Variants in ADNP2 observed in about 807,000 individuals in gnomAD.
ADNP2 encodes ADNP homeobox 2.
ADNP2 carries 8 observed loss-of-function variants against 16.4 expected under a neutral mutation model. That is an observed-to-expected ratio of 0.49 (90% CI 0.29 to 0.88). The LOEUF is 0.88. Among genes scored for constraint, ADNP2 ranks in the 40% least tolerant of loss-of-function variants. The probability of loss-of-function intolerance (pLI) is 0.09; values close to 1 mark genes in which losing one functional copy is unlikely to be tolerated. For missense variants in ADNP2, 1,397 were observed against 1,395.1 expected (o/e 1.00, Z -0.02); for synonymous variants, 637 against 545.8 (o/e 1.17, Z -2.33).
At chr18:80,118,162 C>T (rs192665338) in intron 2 of ADNP2, among the ~76,000 whole-genome samples, 2 of 152,214 alleles carry the variant, frequency 1.3e-5, no homozygotes, top group East Asian at 1.9e-4. Context: ...TGGTGGCTCA[C>T]GCCTGTAATC....
intron 2 of ADNP2, among the ~76,000 whole-genome samples, chr18:80,125,906 G>A (rs1170067502): frequency 6.6e-6 from 1 of 152,186 alleles, no homozygotes; most frequent in Non-Finnish European, 1.5e-5. Flanking sequence ...CGGTGTGGCA[G>A]GATTGAGTAG....
intron 2 of ADNP2, among the ~76,000 whole-genome samples, chr18:80,129,497 G>A (rs2052482612): frequency 6.6e-6 from 1 of 152,164 alleles, no homozygotes; most frequent in Non-Finnish European, 1.5e-5. Flanking sequence ...TTCCCTGACT[G>A]TTGGCCAGAC....
chr18:80,118,525 A>G (rs946261425), intron 2 of ADNP2, among the ~76,000 whole-genome samples: 1 of 152,062 alleles, frequency 6.6e-6, no homozygotes, highest in Non-Finnish European at 1.5e-5. Context: ...CCCCTTCATT[A>G]ATAAATGTAG....
rs937188283 is a variant in ADNP2 at position 80,140,239 on chromosome 18, T to C, written c.*1430T>C. ...AGTTGTGAAACTGGTTTATGATTGT[T>C]GGTGTACTCTGTTGTAAATTCAAAG... On this transcript the variant is annotated 3_prime_UTR_variant, in exon 4 of 4. Transcript: ENST00000262198. 6.6e-6 allele frequency: 1 copy of C among 152,632 alleles called. No individual in the cohort carries two copies. The highest frequency in any genetic ancestry group is 1.9e-4 in the East Asian group (1 of 5,206). The allele number at this position is 152,632 out of a possible 1,614,324, so 9.5% of individuals were successfully genotyped here. A position where few individuals can be genotyped will look rare whatever the true frequency, so the allele number is the denominator to read the frequency against.
At chr18:80,125,049 G>C (rs887638048) in intron 2 of ADNP2, among the ~76,000 whole-genome samples, 5 of 152,182 alleles carry the variant, frequency 3.3e-5, no homozygotes, top group Non-Finnish European at 7.4e-5. Context: ...TACATGGCAT[G>C]TATTTTTCTA....
rs1167035526 is a variant in ADNP2, at chr18:80,133,716, G to C, written c.198+524G>C. 4 of 156,774 alleles carry C rather than the reference G, an allele frequency of 2.6e-5. No homozygotes were observed. The Admixed American group carries it at 2.6e-4, about 10-fold the overall frequency. 9.7% of individuals were successfully genotyped at this position (156,774 alleles called of 1,614,324 possible). A position where few individuals can be genotyped will look rare whatever the true frequency, so the allele number is the denominator to read the frequency against. ...GTTGTTAGCACCTTCCTCGGTATCA[G>C]ACTCAGCTCATCCCAGACTTGACTT... is the stretch of plus-strand genomic sequence containing the variant. On this transcript the variant is annotated intron_variant, in intron 3 of 3. Coordinates refer to ENST00000262198, the MANE Select transcript of ADNP2 (RefSeq NM_014913.4).
chr18:80,110,230 C>T (rs1450197253), intron 1 of ADNP2, among the ~76,000 whole-genome samples: 1 of 152,208 alleles, frequency 6.6e-6, no homozygotes, highest in Non-Finnish European at 1.5e-5. Context: ...AAAATTTCTA[C>T]TACAGTTGAC....
chr18:80,134,720 T>G (rs1369527069), intron 3 of ADNP2, among the ~76,000 whole-genome samples: 1 of 152,182 alleles, frequency 6.6e-6, no homozygotes, highest in African/African-American at 2.4e-5. Context: ...TTGTTAAATT[T>G]CCCAAAATGT....
chr18:80,138,286 A>G lies in ADNP2; in HGVS notation c.2873A>G (p.Asn958Ser), dbSNP rs780337718. 39 of 1,614,020 alleles carry G rather than the reference A, an allele frequency of 2.4e-5. No individual in the cohort carries two copies. In the South Asian group the frequency reaches 2.9e-4, roughly 12 times the overall value. ...CAGGCCCAGCCGGGTTTTATTCACA[A>G]CAGTGAACTGCTTTTAGTCAGTGGT... The part of the protein sequence containing the change: ...DLQAQPGFIH[N>S]SELLLVSGEV... The change falls in exon 4 of 4, where the codon AAC becomes AGC. Residue 958 changes from asparagine (N) to serine (S), a missense_variant. Asn to Ser is a conservative substitution (Grantham distance 46, BLOSUM62 1). This residue lies in a region of ADNP2 where 611 missense variants were observed against 648.7 expected (regional missense o/e 0.94). Transcript: ENST00000262198.
At position 80,123,220 on chromosome 18, in the gene ADNP2, T is replaced by G. The variant is rs571038042; in HGVS notation, c.108+5570T>G. Among the ~76,000 whole-genome samples, 3 of 152,282 alleles carry G rather than the reference T, an allele frequency of 2.0e-5. No homozygotes were observed. The East Asian group carries it at 5.8e-4, about 29-fold the overall frequency. On this transcript the variant is annotated intron_variant, in intron 2 of 3. Coordinates refer to ENST00000262198, the MANE Select transcript of ADNP2 (RefSeq NM_014913.4). Reference sequence around the variant, plus strand: ...TGTTTTAATACACTGTTGAATTTGGTTTGCTAGTATGTTGTTAAGGATTTT... The same window carrying G: ...TGTTTTAATACACTGTTGAATTTGGGTTGCTAGTATGTTGTTAAGGATTTT...
chr18:80,109,778 G>A (rs1357868412), intron 1 of ADNP2: 3 of 151,814 alleles, frequency 2.0e-5, no homozygotes, highest in South Asian at 2.1e-4. Context: ...GGGGACCTGA[G>A]GGGAGAGTAG....
chr18:80,119,184 C>CTTCT (rs1008563503), intron 2 of ADNP2, among the ~76,000 whole-genome samples: 9 of 152,078 alleles, frequency 5.9e-5, no homozygotes, highest in African/African-American at 2.2e-4. Flanking sequence ...ATAGTGAGAA[C>CTTCT]CTTTTTCCAT....
chr18:80,118,723 A>T (rs2052404950), intron 2 of ADNP2, among the ~76,000 whole-genome samples: 1 of 152,208 alleles, frequency 6.6e-6, no homozygotes, highest in African/African-American at 2.4e-5. Flanking sequence ...TTGCTCGTGA[A>T]CTTTTGCTTC....
chr18:80,135,422 C>G (rs1466627186), intron 3 of ADNP2, among the ~76,000 whole-genome samples, 190 bp from the exon 4 acceptor site: 2 of 152,002 alleles, frequency 1.3e-5, no homozygotes, highest in Non-Finnish European at 2.9e-5. Context: ...ACTGTATGGC[C>G]CACAGTCCTA....
chr18:80,132,985 T>G (rs2052507897), intron 2 of ADNP2, 118 bp from the exon 3 acceptor site: 2 of 747,478 alleles, frequency 2.7e-6, no homozygotes, highest in Non-Finnish European at 4.4e-6. Context: ...CCTCCCAAAG[T>G]GCTGGGATTA....
intron 1 of ADNP2, among the ~76,000 whole-genome samples, chr18:80,111,036 CA>C (rs2052353843): frequency 6.6e-6 from 1 of 152,144 alleles, no homozygotes; most frequent in Non-Finnish European, 1.5e-5. Context: ...TGATTGCCCT[CA>C]TAAGTTCACC....
intron 1 of ADNP2, among the ~76,000 whole-genome samples, chr18:80,116,382 C>A (rs1362386119): frequency 6.6e-6 from 1 of 152,112 alleles, no homozygotes; most frequent in African/African-American, 2.4e-5. Context: ...GTATGCTTTT[C>A]TCTTGAGTGG....
Position 80,138,386 on chromosome 18 carries a change from G to A in ADNP2, c.2973G>A (p.Arg991=), listed in dbSNP as rs1439653976. The A allele has an allele frequency of 6.2e-7, 1 of 1,614,092 alleles. No homozygotes were observed. The highest frequency in any genetic ancestry group is 2.2e-5 in the East Asian group (1 of 44,872). The change falls in exon 4 of 4, where the codon CGG becomes CGA. Residue 991 remains arginine, a synonymous_variant. Transcript: ENST00000262198. The part of the protein sequence containing the change: ...PDGHLGAEDQ[R]HGEEQPPILN... The stretch of plus-strand genomic sequence containing the variant: ...GCCACTTAGGGGCCGAAGACCAGCG[G>A]CATGGGGAGGAGCAGCCTCCCATCC...
Position 80,139,343 on chromosome 18 carries a change from A to G in ADNP2, c.*534A>G, listed in dbSNP as rs2052566026. 6.6e-6 allele frequency: 1 copy of G among 151,638 alleles called. No individual in the cohort carries two copies. The highest frequency in any genetic ancestry group is 2.1e-4 in the South Asian group (1 of 4,822). The allele number at this position is 151,638 out of a possible 1,614,324, so 9.4% of individuals were successfully genotyped here. On this transcript the variant is annotated 3_prime_UTR_variant, in exon 4 of 4. Transcript: ENST00000262198. ...TAACTTACGCTGACTTCTTTGTAAG[A>G]TCTTTGCTTATAGATTATAATTTAG...
Sources: gnomAD v4.1 joint callset for allele counts (sites outside exome capture counted in the v4.1 genomes callset) on GRCh38, gnomAD v4.1.1 for gene constraint, gnomAD v4.1.1 regional missense constraint, MANE v1.5 for transcripts, NCBI Gene and HGNC (gene_info 2026-07-23, HGNC 2026-07-21) for gene names.